The following RAPGEF6 variants were observed in gnomAD, a reference collection of about 807,000 sequenced individuals.
RAPGEF6 encodes Rap guanine nucleotide exchange factor 6.
In RAPGEF6, 56 loss-of-function variants were observed where a neutral mutation model predicts 171.4. The ratio of observed to expected loss-of-function variants is 0.33; its 90% CI spans 0.26 to 0.41. RAPGEF6 has a LOEUF of 0.41. Ranked by LOEUF, RAPGEF6 falls within the 10% of genes least tolerant of loss-of-function variation. The pLI, the probability that RAPGEF6 is intolerant of heterozygous loss-of-function variation, is 1.00. For missense variants in RAPGEF6, 1,674 were observed against 1,921.4 expected (o/e 0.87, Z 2.41); for synonymous variants, 692 against 650.1 (o/e 1.06, Z -0.98).
chr5:131,464,438 T>C, intron 17 of RAPGEF6, 157 bp from the exon 18 acceptor site: 1 of 617,946 alleles, frequency 1.6e-6, no homozygotes, highest in Non-Finnish European at 2.8e-6. Context: ...TATTGATAAA[T>C]ATATCCTTTT....
At chr5:131,558,618 A>G (rs1038228913) in intron 5 of RAPGEF6, among the ~76,000 whole-genome samples, 2 of 152,178 alleles carry the variant, frequency 1.3e-5, no homozygotes. Context: ...TCACAACAAG[A>G]AAGGCTTACG....
At chr5:131,623,059 T>TAAAAC (rs1044520140) in intron 1 of RAPGEF6, among the ~76,000 whole-genome samples, 4 of 152,200 alleles carry the variant, frequency 2.6e-5, no homozygotes, top group Non-Finnish European at 5.9e-5. Context: ...TACCTAGTTC[T>TAAAAC]AAAACAAAAC....
intron 2 of RAPGEF6, among the ~76,000 whole-genome samples, chr5:131,604,035 A>ATATC (rs1764403496): frequency 6.6e-6 from 1 of 152,024 alleles, no homozygotes; most frequent in Admixed American, 6.6e-5. Context: ...ACCAGGACAG[A>ATATC]TAGCCAGCCC....
intron 17 of RAPGEF6, among the ~76,000 whole-genome samples, chr5:131,470,257 T>A (rs1447974712): frequency 6.6e-6 from 1 of 152,202 alleles, no homozygotes; most frequent in Non-Finnish European, 1.5e-5. Context: ...TCTGAACAGA[T>A]TTTAAAAAGG....
At chr5:131,580,823 T>C (rs1011115499) in intron 4 of RAPGEF6, among the ~76,000 whole-genome samples, 6 of 152,168 alleles carry the variant, frequency 3.9e-5, no homozygotes, top group African/African-American at 1.4e-4. Context: ...TTTATGTGCC[T>C]CTTCCACCCA....
intron 19 of RAPGEF6, among the ~76,000 whole-genome samples, chr5:131,461,296 G>GT (rs1437097413): frequency 6.6e-6 from 1 of 152,094 alleles, no homozygotes; most frequent in Non-Finnish European, 1.5e-5. Context: ...GCAACTTTAG[G>GT]TCAAAGTACT....
intron 1 of RAPGEF6, among the ~76,000 whole-genome samples, chr5:131,616,960 T>C (rs1034685814): frequency 3.5e-4 from 54 of 152,200 alleles, no homozygotes; most frequent in Non-Finnish European, 5.9e-4. Context: ...AACCAAGATA[T>C]TTTATTCATT....
Position 131,511,985 on chromosome 5 carries a change from TGA to T in RAPGEF6, c.628-1496_628-1495del, listed in dbSNP as rs1409474111. 2.0e-5 allele frequency among the ~76,000 whole-genome samples: 3 copies of T among 152,190 alleles called. No homozygotes were observed. The East Asian group carries it at 5.8e-4, about 29-fold the overall frequency. On this transcript the variant is annotated intron_variant, in intron 7 of 27. Coordinates refer to ENST00000509018, the MANE Select transcript of RAPGEF6 (RefSeq NM_016340.6). ...AACTGGTTGCTAAATTGGAAGAATA[TGA>T]GAGTAGGCAGCCTATAGCCTCATGG... is the stretch of plus-strand genomic sequence containing the variant.
chr5:131,578,660 C>T (rs1273011644), intron 4 of RAPGEF6, among the ~76,000 whole-genome samples: 1 of 152,180 alleles, frequency 6.6e-6, no homozygotes, highest in Non-Finnish European at 1.5e-5. Context: ...TTACTGGAAT[C>T]CCTTTAGGCA....
At chr5:131,629,544 A>G (rs1314365473) in intron 1 of RAPGEF6, among the ~76,000 whole-genome samples, 1 of 150,480 alleles carries the variant, frequency 6.6e-6, no homozygotes, top group Non-Finnish European at 1.5e-5. Flanking sequence ...GCTTGGGCCC[A>G]GGAGTTCAAG....
chr5:131,614,196 C>T (rs1053140052), intron 1 of RAPGEF6, among the ~76,000 whole-genome samples: 6 of 147,442 alleles, frequency 4.1e-5, no homozygotes, highest in African/African-American at 1.5e-4. Flanking sequence ...GCAGGAGAAT[C>T]GCCTGAACCT....
chr5:131,519,436 C>G (rs1002960652), intron 7 of RAPGEF6, among the ~76,000 whole-genome samples: 2 of 152,146 alleles, frequency 1.3e-5, no homozygotes, highest in African/African-American at 4.8e-5. Context: ...GAGTCTTGCT[C>G]TGTCGGCCAG....
intron 4 of RAPGEF6, among the ~76,000 whole-genome samples, chr5:131,583,886 A>C (rs1000012867): frequency 2.6e-5 from 4 of 152,238 alleles, no homozygotes; most frequent in African/African-American, 7.2e-5. Flanking sequence ...CATAACACGG[A>C]TAAACCTCAA....
chr5:131,591,476 G>A (rs1044815614), intron 4 of RAPGEF6, among the ~76,000 whole-genome samples: 1 of 152,156 alleles, frequency 6.6e-6, no homozygotes, highest in Non-Finnish European at 1.5e-5. Context: ...GAAAGAGGTT[G>A]TATTATTATG....
chr5:131,622,729 A>T (rs981943802), intron 1 of RAPGEF6, among the ~76,000 whole-genome samples: 2 of 152,150 alleles, frequency 1.3e-5, no homozygotes, highest in Non-Finnish European at 2.9e-5. Context: ...CTTCTATCCA[A>T]CTGGATTTAC....
intron 18 of RAPGEF6, 104 bp downstream of exon 18, chr5:131,463,937 G>T: frequency 6.8e-7 from 1 of 1,469,956 alleles, no homozygotes; most frequent in African/African-American, 1.4e-5. Context: ...GTGAATTTAG[G>T]AGCACTAAAA....
At chr5:131,480,349 G>A (rs1171488065) in intron 15 of RAPGEF6, among the ~76,000 whole-genome samples, 1 of 152,134 alleles carries the variant, frequency 6.6e-6, no homozygotes, top group African/African-American at 2.4e-5. Flanking sequence ...CATATACCGA[G>A]GGATAACTAC....
At chr5:131,492,481 A>G in intron 14 of RAPGEF6, 101 bp downstream of exon 14, 1 of 1,185,688 alleles carries the variant, frequency 8.4e-7, no homozygotes, top group Non-Finnish European at 1.2e-6. Flanking sequence ...TCAGAAAAAT[A>G]TTTCCTTAAA....
chr5:131,620,294 A>G (rs1325945479), intron 1 of RAPGEF6, among the ~76,000 whole-genome samples: 1 of 152,198 alleles, frequency 6.6e-6, no homozygotes, highest in African/African-American at 2.4e-5. Context: ...ACATATGCCT[A>G]TGACTCCCAT....
Sources: gnomAD v4.1 joint callset for allele counts (sites outside exome capture counted in the v4.1 genomes callset) on GRCh38, gnomAD v4.1.1 for gene constraint, MANE v1.5 for transcripts, NCBI Gene and HGNC (gene_info 2026-07-23, HGNC 2026-07-21) for gene names.